The following NCOR2 variants were observed in gnomAD, a reference collection of about 807,000 sequenced individuals.
The protein encoded by NCOR2 is CTG repeat protein 26.
In NCOR2, 81 loss-of-function variants were observed where a neutral mutation model predicts 262.9. The ratio of observed to expected loss-of-function variants is 0.31; its 90% confidence interval spans 0.26 to 0.37. The LOEUF (loss-of-function observed/expected upper bound fraction) is 0.37. NCOR2 is among the 10% of genes least tolerant of loss of function. The pLI is 1.00. For synonymous variants in NCOR2, 1,659 were observed against 1,559.3 expected (o/e 1.06, Z -1.51); for missense variants, 3,385 against 3,621.4 (o/e 0.93, Z 1.68).
At chr12:124,539,190 G>GACA (rs1485099134), upstream of NCOR2, 1 of 152,478 alleles carries the variant, frequency 6.6e-6, no homozygotes, top group East Asian at 1.9e-4. This position sits in a 1 kb window ranked among gnomAD's most constrained non-coding sequence, Gnocchi z 5.1. Context: ...CAGCCCCGCA[G>GACA]CAGCAGGTCT....
Position 124,481,264 on chromosome 12 carries a change from C to T in NCOR2, c.411+2332G>A, listed in dbSNP as rs1056711582. ...GGGGCAGGGATGCTGGCTGGGGTACCCGAGGGGGCAGTGCCCGAGAGGAAC... is the reference window on the plus strand; with the variant it reads ...GGGGCAGGGATGCTGGCTGGGGTACTCGAGGGGGCAGTGCCCGAGAGGAAC... On this transcript the variant is annotated intron_variant, in intron 3 of 46. Transcript: ENST00000405201. The surrounding 1 kb of genome is among the most constrained non-coding windows in gnomAD (Gnocchi z 4.6). Among the ~76,000 whole-genome samples, 6 of 152,056 alleles carry T rather than the reference C, an allele frequency of 3.9e-5. No homozygotes were observed. The highest frequency in any genetic ancestry group is 1.9e-4 in the East Asian group (1 of 5,192).
chr12:124,487,863 A>C (rs1238147836), intron 1 of NCOR2, among the ~76,000 whole-genome samples: 3 of 129,726 alleles, frequency 2.3e-5, no homozygotes, highest in Non-Finnish European at 5.0e-5. Flanking sequence ...GAGAAACATT[A>C]AACTGTGTTT....
At chr12:124,463,035 C>T (rs1196311621) in intron 5 of NCOR2, among the ~76,000 whole-genome samples, 1 of 152,190 alleles carries the variant, frequency 6.6e-6, no homozygotes, top group Non-Finnish European at 1.5e-5. Context: ...TTTCCCCAGT[C>T]GACCTAGCTC....
At chr12:124,342,042 G>C (rs762749243) in exon 34 of NCOR2, 1 of 1,612,064 alleles carries the variant, frequency 6.2e-7, no homozygotes, top group East Asian at 2.2e-5. Flanking sequence ...GTGGGGTTGG[G>C]GGCCAGGTGT....
At chr12:124,442,431 T>C (rs1252595166) in intron 7 of NCOR2, among the ~76,000 whole-genome samples, 1 of 152,236 alleles carries the variant, frequency 6.6e-6, no homozygotes. Flanking sequence ...TGGGCCACCA[T>C]GGCAGGCCCT....
intron 13 of NCOR2, among the ~76,000 whole-genome samples, chr12:124,411,342 A>G (rs574290437): frequency 6.6e-6 from 1 of 152,200 alleles, no homozygotes; most frequent in African/African-American, 2.4e-5. Context: ...TGGGCAGAGC[A>G]GACCCAGAGG....
intron 33 of NCOR2, 141 bp downstream of exon 35, chr12:124,342,864 G>A: frequency 1.2e-6 from 1 of 826,076 alleles, no homozygotes; most frequent in South Asian, 1.7e-5. Flanking sequence ...ACACTGTTGG[G>A]TCTTCCAATC....
At chr12:124,426,050 C>CTGCG (rs1289569096) in intron 11 of NCOR2, among the ~76,000 whole-genome samples, 2 of 152,224 alleles carry the variant, frequency 1.3e-5, no homozygotes, top group Non-Finnish European at 2.9e-5. Context: ...CTGCCCAAGG[C>CTGCG]TGCGGCCCAG....
At chr12:124,375,967 C>A (rs931829869) in intron 18 of NCOR2, among the ~76,000 whole-genome samples, 86 of 152,292 alleles carry the variant, frequency 5.6e-4, no homozygotes, top group Non-Finnish European at 1.3e-4. Flanking sequence ...CCAGCACCTG[C>A]CTCACCTCCC....
At chr12:124,418,034 C>T (rs192472009) in intron 13 of NCOR2, among the ~76,000 whole-genome samples, 1 of 149,932 alleles carries the variant, frequency 6.7e-6, no homozygotes, top group Non-Finnish European at 1.5e-5. Flanking sequence ...GCACTCTGAC[C>T]TGGGCGACGG....
At chr12:124,423,353 T>A (rs1215563430) in intron 11 of NCOR2, among the ~76,000 whole-genome samples, 1 of 152,150 alleles carries the variant, frequency 6.6e-6, no homozygotes, top group African/African-American at 2.4e-5. Context: ...GGCTGGCTGC[T>A]AGTGAGGCTG....
rs560519839 is a variant in NCOR2 at position 124,424,749 on chromosome 12, A to G, written c.1328+1873T>C. On this transcript the variant is annotated intron_variant, in intron 11 of 46. Coordinates refer to ENST00000405201, the Ensembl canonical transcript of NCOR2. The stretch of plus-strand genomic sequence containing the variant: ...CCAAAGCCCAGGGCACTGGGGAAGG[A>G]GTGTCATTGCTTTGGAGGAAGCTCT... 2.6e-5 allele frequency among the ~76,000 whole-genome samples: 4 copies of G among 152,234 alleles called. No homozygotes were observed. The South Asian group carries it at 8.3e-4, about 32-fold the overall frequency.
chr12:124,327,644 GAGACAGAC>G lies in NCOR2; in HGVS notation c.6959-19_6959-12del, dbSNP rs537166315. On this transcript the variant is annotated splice_polypyrimidine_tract_variant and intron_variant, in intron 44 of 46. Transcript: ENST00000405201. ...TATAGGTCATAAGGCCTGGGAGAGA[GAGACAGAC>G]AGACAGACAGACACATGGGGGCCGG... 3.1e-6 allele frequency: 5 copies of G among 1,588,400 alleles called. No individual in the cohort carries two copies. Among genetic ancestry groups the G allele is most frequent in the African/African-American group, 1.3e-5 (1 of 74,278 alleles).
rs1363246040 is a variant in NCOR2, at chr12:124,484,324, GC to G, written c.234-552del. On this transcript the variant is annotated intron_variant, in intron 2 of 46. Transcript: ENST00000405201. ...ACCACCTTCTCAACTCAGCCTAGCA[GC>G]CTGGTGCAGAGACTGGAGCTGCCCA... Among the ~76,000 whole-genome samples the G allele has an allele frequency of 2.0e-5, 3 of 152,188 alleles. 1 individual carries two copies. The highest frequency in any genetic ancestry group is 4.4e-5 in the Non-Finnish European group (3 of 68,028).
intron 5 of NCOR2, among the ~76,000 whole-genome samples, chr12:124,461,921 A>G (rs1191576313): frequency 6.6e-6 from 1 of 152,166 alleles, no homozygotes; most frequent in Non-Finnish European, 1.5e-5. Flanking sequence ...AGATAACCAC[A>G]GGCCCCACAT....
chr12:124,417,538 T>C (rs1012216251), intron 13 of NCOR2, among the ~76,000 whole-genome samples: 16 of 152,072 alleles, frequency 1.1e-4, no homozygotes, highest in Admixed American at 3.9e-4. Context: ...AAACAGGTCA[T>C]GGGAGGGGAA....
chr12:124,441,600 C>T (rs2044811978), intron 7 of NCOR2, among the ~76,000 whole-genome samples: 1 of 152,176 alleles, frequency 6.6e-6, no homozygotes, highest in Non-Finnish European at 1.5e-5. Context: ...TTTTAAGGAG[C>T]AACAGGAAAT....
At chr12:124,388,648 G>A (rs1471679538) in intron 16 of NCOR2, 4 of 1,302,890 alleles carry the variant, frequency 3.1e-6, no homozygotes, top group East Asian at 5.6e-5. Context: ...CCCTGCACCC[G>A]CAGTCCCCCA....
chr12:124,338,542 G>C (rs1014895838), intron 37 of NCOR2, among the ~76,000 whole-genome samples: 9 of 151,378 alleles, frequency 5.9e-5, no homozygotes, highest in African/African-American at 1.5e-4. Context: ...GGCAGGGAAG[G>C]GTGTTGAGGT....
Sources: gnomAD v4.1 joint callset for allele counts (sites outside exome capture counted in the v4.1 genomes callset) on GRCh38, gnomAD v4.1.1 for gene constraint, Gnocchi (gnomAD v3.1) non-coding constraint, MANE v1.5 for transcripts, NCBI Gene and HGNC (gene_info 2026-07-23, HGNC 2026-07-21) for gene names.